UGT1A5: variants seen among roughly 807,000 people sequenced by gnomAD.
UGT1A5 encodes the protein UDP glucuronosyltransferase family 1 member A5.
In UGT1A5, 29 loss-of-function variants were observed where a neutral mutation model predicts 40.3. The observed-to-expected ratio is 0.72, with a 90% CI of 0.54 to 0.98. UGT1A5 has a LOEUF of 0.98. UGT1A5 is among the 50% of genes least tolerant of loss of function. The pLI, the probability that UGT1A5 is intolerant of heterozygous loss-of-function variation, is 0.00. For missense variants in UGT1A5, 678 were observed against 677.9 expected, an observed-to-expected ratio of 1.00 and a Z score of 0.00; for synonymous variants, 257 against 262.5, an observed-to-expected ratio of 0.98 and a Z score of 0.20.
At chr2:233,763,485 C>G (rs763947440) in intron 1 of UGT1A5, among the ~76,000 whole-genome samples, 4 of 152,140 alleles carry the variant, frequency 2.6e-5, no homozygotes, top group Non-Finnish European at 4.4e-5. Context: ...TTGATTGTAA[C>G]TCTCTCAGTT....
intron 1 of UGT1A5, among the ~76,000 whole-genome samples, chr2:233,726,718 C>T (rs2077554623): frequency 1.3e-5 from 2 of 152,316 alleles, no homozygotes; most frequent in African/African-American, 2.4e-5. Flanking sequence ...TGAGGAAGTA[C>T]AATGTAGATA....
chr2:233,757,535 A>AATATATATACATATACATATACAT (rs376887521), intron 1 of UGT1A5, among the ~76,000 whole-genome samples: 3 of 88,310 alleles, frequency 3.4e-5, no homozygotes, highest in African/African-American at 1.0e-4. Flanking sequence ...GCCTGTAAGG[A>AATATATATACATATACATATACAT]ATATATATAT....
chr2:233,719,178 G>T lies in UGT1A5; in HGVS notation c.867+5320G>T, dbSNP rs749190317. 40 of 1,614,238 alleles carry T rather than the reference G, an allele frequency of 2.5e-5. No homozygotes were observed. The South Asian group carries it at 4.2e-4, about 17-fold the overall frequency. ...TAGAAGTATGGCAATTATGAACAAT[G>T]TATCTTTGGCCCTTCATAGGTGTTG... is the stretch of plus-strand genomic sequence containing the variant. On this transcript the variant is annotated intron_variant, in intron 1 of 4. Transcript: ENST00000373414.
intron 1 of UGT1A5, among the ~76,000 whole-genome samples, chr2:233,714,305 A>G (rs1432172867): frequency 6.6e-6 from 1 of 152,218 alleles, no homozygotes; most frequent in East Asian, 1.9e-4. Context: ...CTTGCAAAAG[A>G]TAGAGAGGTG....
chr2:233,734,726 T>C (rs1273359481), intron 1 of UGT1A5, among the ~76,000 whole-genome samples: 1 of 150,790 alleles, frequency 6.6e-6, no homozygotes, highest in African/African-American at 2.4e-5. Flanking sequence ...TTTGTTCTCG[T>C]CGGTTTCAAA....
chr2:233,743,342 T>C, intron 1 of UGT1A5: 7 of 858,096 alleles, frequency 8.2e-6, no homozygotes, highest in Non-Finnish European at 1.0e-5. Context: ...TCAGTGGAAG[T>C]CGACATGGAC....
intron 1 of UGT1A5, among the ~76,000 whole-genome samples, chr2:233,726,736 G>A (rs531749888): frequency 1.4e-4 from 22 of 152,274 alleles, no homozygotes; most frequent in African/African-American, 3.9e-4. Context: ...ATACTTTTGT[G>A]GGGCTGTGAT....
At chr2:233,719,697 G>C (rs768448140) in intron 1 of UGT1A5, 2 of 1,613,928 alleles carry the variant, frequency 1.2e-6, no homozygotes, top group East Asian at 4.5e-5. Flanking sequence ...GGTCTGTATT[G>C]GTGCCTTCAT....
intron 1 of UGT1A5, among the ~76,000 whole-genome samples, chr2:233,756,569 C>G (rs1206188588): frequency 6.6e-6 from 1 of 152,130 alleles, no homozygotes; most frequent in Non-Finnish European, 1.5e-5. Flanking sequence ...TCCTCTCAGA[C>G]AAAAGGAAAT....
At chr2:233,719,039 A>T in intron 1 of UGT1A5, 2 of 1,614,110 alleles carry the variant, frequency 1.2e-6, no homozygotes, top group Non-Finnish European at 1.7e-6. Context: ...AAGAAGAGAA[A>T]TTTTTCACCC....
Position 233,769,931 on chromosome 2 carries a change from C to A in UGT1A5, c.1307+1492C>A, listed in dbSNP as rs1699987343. 1 of 247,432 alleles carries A rather than the reference C, an allele frequency of 4.0e-6. No homozygotes were observed. Among genetic ancestry groups the A allele is most frequent in the Admixed American group, 5.3e-5 (1 of 18,974 alleles). The allele number at this position is 247,432 out of a possible 1,614,324, so 15.3% of individuals were successfully genotyped here. A position where few individuals can be genotyped will look rare whatever the true frequency, so the allele number is the denominator to read the frequency against. On this transcript the variant is annotated intron_variant, in intron 4 of 4. Transcript: ENST00000373414. The surrounding 1 kb of genome is among the most constrained non-coding windows in gnomAD (Gnocchi z 4.4). Reference sequence around the variant, plus strand: ...CCCAGAGCGTTGGGTGGTGTGGTCCCATTCCTTCCTTCCAGCGGCTTCTTC... The same window carrying A: ...CCCAGAGCGTTGGGTGGTGTGGTCCAATTCCTTCCTTCCAGCGGCTTCTTC...
At position 233,742,060 on chromosome 2, in the gene UGT1A5, T is replaced by A. The variant is rs74500985; in HGVS notation, c.868-24974T>A. On this transcript the variant is annotated intron_variant, in intron 1 of 4. Transcript: ENST00000373414. ...AGCATAGCAATAGGATAGTTCTGTG[T>A]GGCCTTATGGAGATCCTTTTTTTAC... 642 of 152,036 alleles carry A rather than the reference T, an allele frequency of 4.2e-3. 25 individuals carry two copies. Among genetic ancestry groups the A allele is most frequent in the African/African-American group, 0.015 (610 of 41,262 alleles). 9.4% of individuals were successfully genotyped at this position (152,036 alleles called of 1,614,324 possible).
chr2:233,715,509 C>G (rs991063274), intron 1 of UGT1A5, among the ~76,000 whole-genome samples: 3 of 152,138 alleles, frequency 2.0e-5, no homozygotes, highest in African/African-American at 7.2e-5. Context: ...GGGTAGCTCA[C>G]ACCTGTAATT....
Position 233,768,313 on chromosome 2 carries a change from T to C in UGT1A5, c.1181T>C (p.Leu394Ser). 6.2e-7 allele frequency: 1 copy of C among 1,614,194 alleles called. No individual in the cohort carries two copies. The highest frequency in any genetic ancestry group is 8.5e-7 in the Non-Finnish European group (1 of 1,180,048). ...CNGVPMVMMP[L>S]FGDQMDNAKR... The stretch of plus-strand genomic sequence containing the variant: ...GGCGTTCCCATGGTGATGATGCCCT[T>C]GTTTGGTGATCAGATGGACAATGCA... Residue 394 changes from leucine (L) to serine (S), a missense_variant, in exon 4 of 5, where the codon TTG becomes TCG. By Grantham distance (145) the Leu-to-Ser change is moderately radical. Coordinates refer to ENST00000373414, the MANE Select transcript of UGT1A5 (RefSeq NM_019078.2).
chr2:233,713,556 A>G lies in UGT1A5; in HGVS notation c.565A>G (p.Asn189Asp). Residue 189 changes from asparagine (N) to aspartate (D), a missense_variant, in exon 1 of 5, where the codon AAC becomes GAC. Physicochemically the swap from Asn to Asp is conservative, Grantham distance 23 (BLOSUM62 1). Transcript: ENST00000373414. ...AGACTTTAAGGGCACACAGTGTCCA[A>G]ACCCTTCCTCCTATATTCCTAGATT... The part of the protein sequence containing the change: ...DLDFKGTQCP[N>D]PSSYIPRLLT... 1.2e-6 allele frequency: 2 copies of G among 1,613,994 alleles called. No homozygotes were observed. The highest frequency in any genetic ancestry group is 1.1e-5 in the South Asian group (1 of 91,076).
chr2:233,724,154 G>C (rs1327662182), intron 1 of UGT1A5, among the ~76,000 whole-genome samples: 4 of 77,640 alleles, frequency 5.2e-5, no homozygotes, highest in African/African-American at 1.4e-4. Flanking sequence ...CTGGCCGGGT[G>C]GGGGGGCTGA....
In UGT1A5 at chr2:233,773,093, G is replaced by A; in HGVS notation, c.*534G>A. 6.2e-6 allele frequency: 1 copy of A among 160,484 alleles called. No homozygotes were observed. Among genetic ancestry groups the A allele is most frequent in the East Asian group, 1.7e-4 (1 of 5,844 alleles). The allele number at this position is 160,484 out of a possible 1,614,324, so 9.9% of individuals were successfully genotyped here. A position where few individuals can be genotyped will look rare whatever the true frequency, so the allele number is the denominator to read the frequency against. Reference sequence around the variant, plus strand: ...GAATGAATGGCTTGGAGTGCACTGAGAACAGCATATGATTTCTTGCTTTGG... The same window carrying A: ...GAATGAATGGCTTGGAGTGCACTGAAAACAGCATATGATTTCTTGCTTTGG... On this transcript the variant is annotated 3_prime_UTR_variant, in exon 5 of 5. Transcript: ENST00000373414.
intron 1 of UGT1A5, among the ~76,000 whole-genome samples, chr2:233,716,765 C>T (rs542066726): frequency 6.6e-6 from 1 of 152,294 alleles, no homozygotes; most frequent in African/African-American, 2.4e-5. Context: ...AGCTAGATCA[C>T]TCAGGTCAGG....
At chr2:233,747,947 G>T in intron 1 of UGT1A5, 1 of 1,613,454 alleles carries the variant, frequency 6.2e-7, no homozygotes, top group Non-Finnish European at 8.5e-7. Flanking sequence ...AGGTGTCAGT[G>T]GTGGATCTTC....
Sources: gnomAD v4.1 joint callset for allele counts (sites outside exome capture counted in the v4.1 genomes callset) on GRCh38, gnomAD v4.1.1 for gene constraint, Gnocchi (gnomAD v3.1) non-coding constraint, MANE v1.5 for transcripts, NCBI Gene and HGNC (gene_info 2026-07-23, HGNC 2026-07-21) for gene names.